Variants in TBCK observed in about 807,000 individuals in gnomAD.
The protein encoded by TBCK is TBC1 domain containing kinase, also known as TBC domain-containing protein kinase-like protein.
In TBCK, 99 loss-of-function variants were observed where a neutral mutation model predicts 113.4. That is an observed-to-expected ratio of 0.87 (90% CI 0.74 to 1.03). The LOEUF (loss-of-function observed/expected upper bound fraction) is 1.03, where lower values mean the gene tolerates loss of function less well. Among genes scored for constraint, TBCK ranks in the 50% least tolerant of loss-of-function variants. The pLI is 0.00. For synonymous variants in TBCK, 369 were observed against 370.8 expected, an observed-to-expected ratio of 1.00 and a Z score of 0.05; for missense variants, 1,045 against 1,061.3, an observed-to-expected ratio of 0.98 and a Z score of 0.21.
chr4:106,229,348 T>A (rs1758598773), intron 19 of TBCK, among the ~76,000 whole-genome samples: 1 of 152,044 alleles, frequency 6.6e-6, no homozygotes, highest in African/African-American at 2.4e-5. Flanking sequence ...GCTTCCCCAG[T>A]GTTTTCTTAT....
intron 3 of TBCK, among the ~76,000 whole-genome samples, chr4:106,284,999 C>G (rs897238443): frequency 6.6e-6 from 1 of 152,028 alleles, no homozygotes; most frequent in African/African-American, 2.4e-5. Context: ...AACCTAATCA[C>G]TATAGGAATT....
At position 106,129,313 on chromosome 4, in the gene TBCK, C is replaced by T. The variant is rs1745597510; in HGVS notation, c.2236-12935G>A. Among the ~76,000 whole-genome samples the T allele has an allele frequency of 2.6e-5, 4 of 152,262 alleles. No homozygotes were observed. The South Asian group carries it at 8.3e-4, about 32-fold the overall frequency. ...TCCCTCTCTCCGCCCCCTGGACAGG[C>T]CCCAGTGTGTGTTGTTCCCCTCCCT... On this transcript the variant is annotated intron_variant, in intron 23 of 25. Coordinates refer to ENST00000394708, the MANE Select transcript of TBCK (RefSeq NM_001163435.3).
intron 17 of TBCK, 147 bp downstream of exon 17, chr4:106,232,791 G>T: frequency 3.0e-6 from 2 of 676,634 alleles, no homozygotes; most frequent in Non-Finnish European, 2.3e-6. Context: ...AAAATGTTTG[G>T]ATGTAAACCT....
At chr4:106,209,436 CCT>C (rs1198071550) in intron 20 of TBCK, among the ~76,000 whole-genome samples, 4 of 152,006 alleles carry the variant, frequency 2.6e-5, no homozygotes, top group East Asian at 3.9e-4. Context: ...GAATTTCAAT[CCT>C]CTCTTTTTAA....
chr4:106,091,597 C>T (rs927938738), intron 25 of TBCK, among the ~76,000 whole-genome samples: 2 of 152,094 alleles, frequency 1.3e-5, no homozygotes, highest in African/African-American at 2.4e-5. Flanking sequence ...AGTGTTACAG[C>T]TCTTAAGGCG....
At chr4:106,173,773 T>C (rs959924905) in intron 22 of TBCK, among the ~76,000 whole-genome samples, 5 of 151,522 alleles carry the variant, frequency 3.3e-5, no homozygotes, top group African/African-American at 1.2e-4. Flanking sequence ...ATAATCAAAA[T>C]ATAATGCAAA....
chr4:106,274,533 G>A (rs954818761), intron 3 of TBCK, among the ~76,000 whole-genome samples: 1 of 152,092 alleles, frequency 6.6e-6, no homozygotes, highest in African/African-American at 2.4e-5. Context: ...TAACATGGAC[G>A]AACCTTAAAA....
intron 23 of TBCK, among the ~76,000 whole-genome samples, chr4:106,144,509 C>A (rs1747527644): frequency 6.6e-6 from 1 of 152,082 alleles, no homozygotes; most frequent in South Asian, 2.1e-4. Flanking sequence ...AATTGCAAAG[C>A]CCTTCACAAG....
intron 3 of TBCK, 109 bp from the exon 4 acceptor site, chr4:106,262,321 GCTC>G (rs1762581552): frequency 7.2e-6 from 4 of 558,868 alleles, no homozygotes; most frequent in African/African-American, 3.9e-5. Flanking sequence ...TATTTTTATT[GCTC>G]CTCTTTTATT....
chr4:106,293,868 G>A (rs990786782), intron 3 of TBCK, among the ~76,000 whole-genome samples: 1 of 152,136 alleles, frequency 6.6e-6, no homozygotes. Flanking sequence ...CTCGTGGCAA[G>A]ATGTTTTATT....
intron 6 of TBCK, among the ~76,000 whole-genome samples, chr4:106,250,732 C>T (rs1761336797): frequency 6.9e-6 from 1 of 145,140 alleles, no homozygotes; most frequent in South Asian, 2.2e-4. Context: ...TTGATGTAAG[C>T]ATTGTTCACT....
At chr4:106,120,099 A>G (rs916844967) in intron 23 of TBCK, among the ~76,000 whole-genome samples, 9 of 152,224 alleles carry the variant, frequency 5.9e-5, no homozygotes, top group Non-Finnish European at 1.2e-4. Flanking sequence ...GCGCAGGTAA[A>G]TGGGTGCGCG....
chr4:106,048,628 C>T (rs1459934720), intron 25 of TBCK, among the ~76,000 whole-genome samples: 5 of 152,136 alleles, frequency 3.3e-5, no homozygotes, highest in Non-Finnish European at 1.5e-5. Flanking sequence ...CCTACATGCA[C>T]AATTCAATTA....
At chr4:106,116,071 T>C in intron 24 of TBCK, 132 bp downstream of exon 24, 4 of 775,046 alleles carry the variant, frequency 5.2e-6, no homozygotes, top group Non-Finnish European at 8.2e-6. Flanking sequence ...GGCATCCAGT[T>C]TGAGAGTAAT....
intron 25 of TBCK, among the ~76,000 whole-genome samples, chr4:106,074,725 T>TAAG (rs1315762864): frequency 6.6e-6 from 1 of 152,188 alleles, no homozygotes; most frequent in Non-Finnish European, 1.5e-5. Context: ...AGGTGCTATA[T>TAAG]AAGAGAATCA....
chr4:106,055,557 C>T (rs1041652345), intron 25 of TBCK, among the ~76,000 whole-genome samples: 4 of 85,728 alleles, frequency 4.7e-5, no homozygotes, highest in African/African-American at 1.8e-4. Flanking sequence ...ATTATACACA[C>T]ACACACACAC....
intron 3 of TBCK, 89 bp from the exon 4 acceptor site, chr4:106,262,301 C>A: frequency 1.6e-6 from 1 of 630,872 alleles, no homozygotes; most frequent in Admixed American, 3.1e-5. Context: ...TGAAAATATT[C>A]AAAAAGTTAT....
chr4:106,057,945 A>G (rs1735614896), intron 25 of TBCK, among the ~76,000 whole-genome samples: 1 of 151,584 alleles, frequency 6.6e-6, no homozygotes, highest in Non-Finnish European at 1.5e-5. Context: ...TTCACTGTTC[A>G]TTGTCCTGAA....
At chr4:106,218,380 A>C (rs1272923902) in intron 19 of TBCK, among the ~76,000 whole-genome samples, 1 of 149,046 alleles carries the variant, frequency 6.7e-6, no homozygotes, top group African/African-American at 2.5e-5. Context: ...GGATCTAATT[A>C]AACTAAAGAG....
Sources: allele counts gnomAD v4.1 joint callset (sites outside exome capture counted in the v4.1 genomes callset), GRCh38; gene constraint gnomAD v4.1.1; transcripts MANE v1.5; gene names NCBI Gene and HGNC (gene_info 2026-07-23, HGNC 2026-07-21).